The following DAB2IP variants were observed in gnomAD, a reference collection of about 807,000 sequenced individuals.
DAB2IP encodes the protein disabled homolog 2-interacting protein.
In DAB2IP, 28 loss-of-function variants were observed where a neutral mutation model predicts 107.2. The observed-to-expected ratio is 0.26, with a 90% confidence interval of 0.19 to 0.36. The LOEUF (loss-of-function observed/expected upper bound fraction) is 0.36, where lower values mean the gene tolerates loss of function less well. DAB2IP is among the 10% of genes least tolerant of loss of function. The probability of loss-of-function intolerance (pLI) is 1.00; values close to 1 mark genes in which losing one functional copy is unlikely to be tolerated. For missense variants in DAB2IP, 1,400 were observed against 1,644.7 expected (o/e 0.85, Z 2.57); for synonymous variants, 755 against 706.4 (o/e 1.07, Z -1.09).
intron 1 of DAB2IP, among the ~76,000 whole-genome samples, chr9:121,614,737 CT>C (rs33981373): frequency 0.85 from 110,248 of 129,202 alleles, 47,041 homozygotes; most frequent in East Asian, 0.99. Context: ...TTCTTTCTTT[CT>C]TTTTTTTTTT....
chr9:121,766,265 G>A (rs985952809), intron 8 of DAB2IP, among the ~76,000 whole-genome samples: 17 of 152,186 alleles, frequency 1.1e-4, no homozygotes, highest in Non-Finnish European at 1.9e-4. Context: ...CCCACTGCCC[G>A]ATGGGAGCCT....
chr9:121,609,844 G>A (rs1232315547), intron 1 of DAB2IP, among the ~76,000 whole-genome samples: 1 of 152,192 alleles, frequency 6.6e-6, no homozygotes, highest in Non-Finnish European at 1.5e-5. Context: ...TCAGCTCCAA[G>A]AGCCAAGAAT....
In DAB2IP at chr9:121,699,176, G is replaced by T; in HGVS notation, c.229-149G>T. On this transcript the variant is annotated intron_variant, in intron 2 of 15. Transcript: ENST00000408936. The surrounding 1 kb of genome is among the most constrained non-coding windows in gnomAD (Gnocchi z 6.2). ...CGCTCGGTCGGCGGGCGGGCGGCGC[G>T]GGCCGCGAGCTGCTGGGGCCGAGCC... is the stretch of plus-strand genomic sequence containing the variant. 1.1e-6 allele frequency: 1 copy of T among 906,902 alleles called. No homozygotes were observed. The highest frequency in any genetic ancestry group is 1.3e-6 in the Non-Finnish European group (1 of 761,912). The allele number at this position is 906,902 out of a possible 1,614,324, so 56.2% of individuals were successfully genotyped here. A position where few individuals can be genotyped will look rare whatever the true frequency, so the allele number is the denominator to read the frequency against.
At chr9:121,715,351 C>CA (rs1554729554) in intron 3 of DAB2IP, among the ~76,000 whole-genome samples, 2 of 129,646 alleles carry the variant, frequency 1.5e-5, no homozygotes, top group African/African-American at 6.3e-5. Context: ...TTCTTTCTTT[C>CA]TTTTTTTTTT....
At chr9:121,763,776 G>C in exon 8 of DAB2IP, 1 of 1,614,138 alleles carries the variant, frequency 6.2e-7, no homozygotes, top group Non-Finnish European at 8.5e-7. Flanking sequence ...TGAGAACTGC[G>C]AAGTGGATCC....
chr9:121,709,039 G>A (rs574508554), intron 3 of DAB2IP, among the ~76,000 whole-genome samples: 41 of 152,332 alleles, frequency 2.7e-4, no homozygotes, highest in African/African-American at 8.2e-4. Context: ...CCCCCACACC[G>A]CCAGTTGCCA....
Position 121,678,773 on chromosome 9 carries a change from C to T in DAB2IP, c.220C>T (p.Arg74Trp), listed in dbSNP as rs759693049. The T allele has an allele frequency of 1.8e-5, 28 of 1,590,982 alleles. No homozygotes were observed. The highest frequency in any genetic ancestry group is 1.0e-4 in the Admixed American group (6 of 58,316). The change falls in exon 2 of 16, where the codon CGG becomes TGG. Residue 74 changes from arginine to tryptophan, a missense_variant. Coordinates refer to ENST00000408936, the Ensembl canonical transcript of DAB2IP. ...GGAGCCCTCGGCCGCCACGCCGTTC[C>T]GGGTCACGGTAACTATCTCTGCGTC... is the stretch of plus-strand genomic sequence containing the variant.
At chr9:121,617,198 G>A (rs1030913755) in intron 1 of DAB2IP, among the ~76,000 whole-genome samples, 3 of 152,072 alleles carry the variant, frequency 2.0e-5, no homozygotes, top group African/African-American at 4.8e-5. Flanking sequence ...GGTGGCACGC[G>A]CCTGTAATCC....
chr9:121,584,523 G>T (rs1165291918), intron 1 of DAB2IP, among the ~76,000 whole-genome samples: 1 of 152,174 alleles, frequency 6.6e-6, no homozygotes, highest in South Asian at 2.1e-4. Context: ...GGACAAACAG[G>T]TTTCATCCCA....
Position 121,772,827 on chromosome 9 carries a change from C to G in DAB2IP, c.2299C>G (p.Pro767Ala), listed in dbSNP as rs1834865692. 6.2e-7 allele frequency: 1 copy of G among 1,604,938 alleles called. No individual in the cohort carries two copies. ...TGGGGAGGCAGGCTCCCCGGCGGGC[C>G]CCGACGTCCTCCCCACAGATGGGCA... The change falls in exon 12 of 16, where the codon CCC becomes GCC. Residue 767 changes from proline (P) to alanine (A), a missense_variant. Physicochemically the swap from Pro to Ala is conservative, Grantham distance 27. Transcript: ENST00000408936. The surrounding 1 kb of genome is among the most constrained non-coding windows in gnomAD (Gnocchi z 4.7).
At chr9:121,754,753 G>A (rs1172038745) in intron 3 of DAB2IP, among the ~76,000 whole-genome samples, 3 of 152,170 alleles carry the variant, frequency 2.0e-5, no homozygotes, top group African/African-American at 7.2e-5. Context: ...CTGGGCTCCT[G>A]GGGTTGCAGG....
chr9:121,740,522 C>T (rs754510023), intron 3 of DAB2IP, among the ~76,000 whole-genome samples: 2 of 152,170 alleles, frequency 1.3e-5, no homozygotes, highest in Non-Finnish European at 2.9e-5. Context: ...CTGGAAGGCT[C>T]CTTTATGTGT....
At chr9:121,774,528 C>G in intron 13 of DAB2IP, 116 bp downstream of exon 13, 1 of 1,217,108 alleles carries the variant, frequency 8.2e-7, no homozygotes, top group Admixed American at 3.0e-5. Flanking sequence ...GTGAAGGGCC[C>G]GTCACCTCTG....
At chr9:121,621,575 C>A (rs948124712) in intron 1 of DAB2IP, among the ~76,000 whole-genome samples, 5 of 151,790 alleles carry the variant, frequency 3.3e-5, no homozygotes, top group African/African-American at 1.2e-4. Context: ...TGTAAGTCCT[C>A]GTGCAGTCCA....
chr9:121,605,496 G>T (rs1223056126), intron 1 of DAB2IP, among the ~76,000 whole-genome samples: 2 of 151,772 alleles, frequency 1.3e-5, no homozygotes, highest in African/African-American at 2.4e-5. Context: ...TGCTTCTTTA[G>T]AATTATTGTT....
intron 1 of DAB2IP, among the ~76,000 whole-genome samples, chr9:121,666,351 T>G (rs1274832521): frequency 6.6e-6 from 1 of 152,178 alleles, no homozygotes; most frequent in Non-Finnish European, 1.5e-5. Flanking sequence ...ATATCACAGG[T>G]TCTAGGGATT....
chr9:121,711,269 A>T (rs1354396125), intron 3 of DAB2IP, among the ~76,000 whole-genome samples: 1 of 152,188 alleles, frequency 6.6e-6, no homozygotes, highest in Non-Finnish European at 1.5e-5. Context: ...TCCAAACAGG[A>T]CTGGGGAGCA....
intron 1 of DAB2IP, among the ~76,000 whole-genome samples, chr9:121,670,933 G>A (rs761689093): frequency 7.9e-5 from 12 of 152,044 alleles, no homozygotes; most frequent in East Asian, 5.8e-4. Context: ...CAGGAGGATC[G>A]CGAGGTCAAG....
chr9:121,673,595 T>G (rs966877507), intron 1 of DAB2IP, among the ~76,000 whole-genome samples: 4 of 149,482 alleles, frequency 2.7e-5, no homozygotes. Context: ...ATTAAAATTT[T>G]ATGGAGGGGA....
Sources: gnomAD v4.1 joint callset for allele counts (sites outside exome capture counted in the v4.1 genomes callset) on GRCh38, gnomAD v4.1.1 for gene constraint, Gnocchi (gnomAD v3.1) non-coding constraint, MANE v1.5 for transcripts, NCBI Gene and HGNC (gene_info 2026-07-23, HGNC 2026-07-21) for gene names.